CACNA1C: variants seen among roughly 807,000 people sequenced by gnomAD.
CACNA1C encodes the protein calcium voltage-gated channel subunit alpha1 C, also known as voltage-dependent L-type calcium channel subunit alpha-1C.
Under a neutral mutation model 229.0 loss-of-function variants are expected in CACNA1C, and 30 were observed. That is an observed-to-expected ratio of 0.13 (90% confidence interval 0.10 to 0.18). CACNA1C has a LOEUF of 0.18. CACNA1C is among the 10% of genes least tolerant of loss of function. The pLI is 1.00. For synonymous variants in CACNA1C, 1,114 were observed against 1,132.5 expected, an observed-to-expected ratio of 0.98 and a Z score of 0.33; for missense variants, 1,658 against 2,845.0, an observed-to-expected ratio of 0.58 and a Z score of 9.49.
At position 2,666,052 on chromosome 12, in the gene CACNA1C, G is replaced by A. The variant is rs2096074338; in HGVS notation, c.4526+344G>A. 2.6e-5 allele frequency among the ~76,000 whole-genome samples: 4 copies of A among 152,204 alleles called. No individual in the cohort carries two copies. The highest frequency in any genetic ancestry group is 5.9e-5 in the Non-Finnish European group (4 of 68,028). ...AAAAATACAAAAATTAGCCGGACAT[G>A]GTGGCACATGCCTATAATCCCAGCT... On this transcript the variant is annotated intron_variant, in intron 36 of 46. Transcript: ENST00000399655. This position sits in a 1 kb window ranked among gnomAD's most constrained non-coding sequence, Gnocchi z 5.3.
chr12:2,485,289 G>T (rs115162510), intron 5 of CACNA1C, among the ~76,000 whole-genome samples: 3 of 152,122 alleles, frequency 2.0e-5, no homozygotes, highest in African/African-American at 7.2e-5. Context: ...AATCTCACAC[G>T]TGACTTTCTC....
At chr12:2,049,579 T>G (rs1173587138), upstream of CACNA1C, 1 of 152,226 alleles carries the variant, frequency 6.6e-6, no homozygotes, top group Non-Finnish European at 1.5e-5. Flanking sequence ...CAAGGCATTA[T>G]GTTATGCACA....
chr12:2,352,988 T>G (rs2097251071), intron 3 of CACNA1C, among the ~76,000 whole-genome samples: 1 of 152,140 alleles, frequency 6.6e-6, no homozygotes, highest in South Asian at 2.1e-4. Context: ...ATTGTTATTG[T>G]GGAAGAAAAG....
Position 2,696,034 on chromosome 12 carries a change from AGT to A in CACNA1C, c.*4836_*4837del, listed in dbSNP as rs2097840597. On this transcript the variant is annotated 3_prime_UTR_variant, in exon 47 of 47. Coordinates refer to ENST00000399655, the MANE Select transcript of CACNA1C (RefSeq NM_000719.7). ...CAGTAGAGTGACTCCCTTGGATGGA[AGT>A]AGTACCATCAGAACCTACTATTATT... The A allele has an allele frequency of 6.6e-6, 1 of 152,240 alleles. No homozygotes were observed. The highest frequency in any genetic ancestry group is 1.5e-5 in the Non-Finnish European group (1 of 68,056). 9.4% of individuals were successfully genotyped at this position (152,240 alleles called of 1,614,324 possible).
At chr12:2,062,913 A>G (rs2058031523) in intron 1 of CACNA1C, among the ~76,000 whole-genome samples, 1 of 152,076 alleles carries the variant, frequency 6.6e-6, no homozygotes, top group South Asian at 2.1e-4. Context: ...TGCATTATTT[A>G]TTTATTTATT....
chr12:2,621,953 T>C (rs188874150), intron 29 of CACNA1C, among the ~76,000 whole-genome samples: 2 of 152,044 alleles, frequency 1.3e-5, no homozygotes, highest in African/African-American at 4.8e-5. Flanking sequence ...CCTCTGAAGA[T>C]AGAAACTCCA....
rs755282272 is a variant in CACNA1C at position 2,679,071 on chromosome 12, C to T, written c.5092-373C>T. On this transcript the variant is annotated intron_variant, in intron 41 of 46. Transcript: ENST00000399655. The surrounding 1 kb of genome is among the most constrained non-coding windows in gnomAD (Gnocchi z 5.5). ...CCGCCCTCACGGTGTGCTGGCTGCT[C>T]TTAGGGACCACCATCCTAGACGTGC... 1.3e-5 allele frequency among the ~76,000 whole-genome samples: 2 copies of T among 152,218 alleles called. No homozygotes were observed. The highest frequency in any genetic ancestry group is 4.8e-5 in the African/African-American group (2 of 41,462).
intron 5 of CACNA1C, among the ~76,000 whole-genome samples, chr12:2,463,836 C>G (rs1172188242): frequency 6.6e-6 from 1 of 152,320 alleles, no homozygotes; most frequent in South Asian, 2.1e-4. Flanking sequence ...GTAACAGAAT[C>G]AGTTCTCTCT....
intron 1 of CACNA1C, among the ~76,000 whole-genome samples, chr12:2,015,484 C>T (rs1204133982): frequency 6.6e-6 from 1 of 152,140 alleles, no homozygotes; most frequent in African/African-American, 2.4e-5. Context: ...GAATTATTGC[C>T]AAGATAGGTG....
At chr12:2,226,257 A>T (rs1052932687) in intron 3 of CACNA1C, among the ~76,000 whole-genome samples, 1 of 152,054 alleles carries the variant, frequency 6.6e-6, no homozygotes, top group African/African-American at 2.4e-5. Context: ...AGTTTACAGC[A>T]TCCTTTCACT....
chr12:2,394,109 CAAAAAA>C (rs60498219), intron 3 of CACNA1C, among the ~76,000 whole-genome samples: 4 of 113,280 alleles, frequency 3.5e-5, no homozygotes, highest in African/African-American at 9.7e-5. Context: ...TGTCTCTAAA[CAAAAAA>C]AAAAAAAAAA....
chr12:2,569,140 C>G (rs1236011298), intron 13 of CACNA1C, among the ~76,000 whole-genome samples: 1 of 152,130 alleles, frequency 6.6e-6, no homozygotes, highest in Non-Finnish European at 1.5e-5. Context: ...CAGTCCGGCA[C>G]CTACCCAAAG....
chr12:2,329,704 G>GTGTGCACTT (rs1265323194), intron 3 of CACNA1C, among the ~76,000 whole-genome samples: 1 of 152,224 alleles, frequency 6.6e-6, no homozygotes, highest in Non-Finnish European at 1.5e-5. Flanking sequence ...GAAGAGTCCA[G>GTGTGCACTT]TGTGCACTTT....
chr12:2,530,716 G>A (rs765075489), intron 9 of CACNA1C, among the ~76,000 whole-genome samples: 8 of 152,264 alleles, frequency 5.3e-5, no homozygotes, highest in Admixed American at 1.3e-4. Context: ...AGTTTTTTTC[G>A]TGATGAATCA....
intron 29 of CACNA1C, among the ~76,000 whole-genome samples, chr12:2,621,932 G>A (rs370779884): frequency 5.9e-5 from 9 of 152,292 alleles, no homozygotes; most frequent in East Asian, 1.9e-4. Flanking sequence ...AGGAGTCAGC[G>A]CCATCTATTC....
rs149752151 is a variant in CACNA1C at position 2,287,558 on chromosome 12, T to C, written c.478-161418T>C. 1.1e-3 allele frequency among the ~76,000 whole-genome samples: 175 copies of C among 152,362 alleles called. No homozygotes were observed. The highest frequency in any genetic ancestry group is 4.1e-3 in the African/African-American group (169 of 41,578). On this transcript the variant is annotated intron_variant, in intron 3 of 46. Transcript: ENST00000399655. The surrounding 1 kb of genome is among the most constrained non-coding windows in gnomAD (Gnocchi z 4.6). The stretch of plus-strand genomic sequence containing the variant: ...CTGTGATTCTGGGTAAAGCAGACCA[T>C]GTGCCATCGGGAGTGCTCCTGTGAT...
At chr12:2,648,644 G>C in intron 31 of CACNA1C, 137 bp downstream of exon 31, 2 of 739,670 alleles carry the variant, frequency 2.7e-6, no homozygotes, top group African/African-American at 3.4e-5. Context: ...TCTGCCGTGT[G>C]CCTTGCCTGC....
In CACNA1C at chr12:2,677,742, C is replaced by T. The variant is rs752021213; in HGVS notation, c.4966C>T (p.Arg1656Cys). The T allele has an allele frequency of 1.2e-6, 2 of 1,612,806 alleles. No homozygotes were observed. Among genetic ancestry groups the T allele is most frequent in the Non-Finnish European group, 1.7e-6 (2 of 1,179,506 alleles). ...RNALSLQAGL[R>C]TLHDIGPEIR... is the part of the protein sequence containing the mutation. ...TCCCCTTGGATTCCAGGCTGGCTTGCGCACACTGCATGACATCGGGCCTGA... is the reference window on the plus strand; with the variant it reads ...TCCCCTTGGATTCCAGGCTGGCTTGTGCACACTGCATGACATCGGGCCTGA... The change falls in exon 41 of 47, where the codon CGC (arginine) becomes TGC (cysteine). Residue 1656 changes from arginine (R) to cysteine (C), a missense_variant. By Grantham distance (180) the Arg-to-Cys change is radical. Around this residue, in one of 20 missense-constraint regions of CACNA1C, gnomAD observed 590 missense variants for 700.8 expected, o/e 0.84. Transcript: ENST00000399655. The surrounding 1 kb of genome is among the most constrained non-coding windows in gnomAD (Gnocchi z 7.4).
intron 1 of CACNA1C, among the ~76,000 whole-genome samples, chr12:2,082,103 C>T (rs1355075744): frequency 2.0e-5 from 3 of 152,092 alleles, no homozygotes; most frequent in Non-Finnish European, 4.4e-5. Context: ...GTCTGTGTTC[C>T]GTGAATGTGG....
Sources: allele counts gnomAD v4.1 joint callset (sites outside exome capture counted in the v4.1 genomes callset), GRCh38; gene constraint gnomAD v4.1.1; regional missense constraint gnomAD v4.1.1; non-coding constraint Gnocchi (gnomAD v3.1); transcripts MANE v1.5; gene names NCBI Gene and HGNC (gene_info 2026-07-23, HGNC 2026-07-21).